Variants in PAPPA2 observed in about 807,000 individuals in gnomAD.
PAPPA2 encodes pappalysin-2.
A neutral mutation model predicts 176.4 loss-of-function variants in PAPPA2; 86 were observed. The ratio of observed to expected loss-of-function variants is 0.49; its 90% CI spans 0.41 to 0.58. PAPPA2 has a LOEUF of 0.58. PAPPA2 is among the 20% of genes least tolerant of loss of function. PAPPA2 has a pLI of 0.00. For missense variants in PAPPA2, 2,073 were observed against 2,256.9 expected (o/e 0.92, Z 1.65); for synonymous variants, 809 against 852.2 (o/e 0.95, Z 0.88).
At chr1:176,761,057 G>A (rs1232336778) in intron 14 of PAPPA2, among the ~76,000 whole-genome samples, 3 of 151,992 alleles carry the variant, frequency 2.0e-5, no homozygotes, top group Non-Finnish European at 2.9e-5. Context: ...TCCTGACCTC[G>A]TGATCCGCCC....
intron 20 of PAPPA2, 117 bp from the exon 21 acceptor site, chr1:176,799,944 A>G: frequency 2.0e-6 from 2 of 1,015,004 alleles, no homozygotes; most frequent in Non-Finnish European, 3.0e-6. Context: ...ACACAATTAG[A>G]AACTAGCTGC....
At chr1:176,595,644 C>T in intron 3 of PAPPA2, 49 bp downstream of exon 3, 1 of 1,532,242 alleles carries the variant, frequency 6.5e-7, no homozygotes, top group Non-Finnish European at 8.8e-7. Context: ...GCATTTCTAA[C>T]ATCATTTTAT....
Position 176,705,856 on chromosome 1 carries a change from G to C in PAPPA2, c.3366-503G>C, listed in dbSNP as rs569516701. Among the ~76,000 whole-genome samples the C allele has an allele frequency of 3.3e-5, 5 of 152,272 alleles. No homozygotes were observed. The South Asian group carries it at 1.0e-3, about 32-fold the overall frequency. ...TAAGTCTCTGGGTATATGAACAGGA[G>C]ATTGAATTCTACAAAATCCTAATTT... On this transcript the variant is annotated intron_variant, in intron 9 of 22. Transcript: ENST00000367662.
At chr1:176,500,119 A>G (rs1307576883) in intron 1 of PAPPA2, among the ~76,000 whole-genome samples, 2 of 32 alleles carry the variant, frequency 0.062, no homozygotes, top group Non-Finnish European at 0.17. Flanking sequence ...TTTCACATTT[A>G]GAAATATGTA....
chr1:176,675,884 A>C (rs1558512168), intron 4 of PAPPA2, among the ~76,000 whole-genome samples: 2 of 151,728 alleles, frequency 1.3e-5, no homozygotes, highest in Non-Finnish European at 2.9e-5. Context: ...CTCAACAGTA[A>C]AACAAACAAA....
At position 176,699,326 on chromosome 1, in the gene PAPPA2, G is replaced by A. The variant is rs147497362; in HGVS notation, c.2973G>A (p.Lys991=). 9 of 1,614,168 alleles carry A rather than the reference G, an allele frequency of 5.6e-6. No homozygotes were observed. The highest frequency in any genetic ancestry group is 1.7e-5 in the Admixed American group (1 of 60,018). The change falls in exon 8 of 23, where the codon AAG becomes AAA. Residue 991 remains lysine, a synonymous_variant. Coordinates refer to ENST00000367662, the MANE Select transcript of PAPPA2 (RefSeq NM_020318.3). ...ACACAGAGATCTTGCTGGAAAACAA[G>A]GAGTCAGTGCACCTGGGCCCCTTAG... ...LFDTEILLEN[K]ESVHLGPLDT... is the part of the protein sequence containing the mutation.
At chr1:176,557,551 G>A (rs1268244172) in intron 2 of PAPPA2, among the ~76,000 whole-genome samples, 1 of 152,146 alleles carries the variant, frequency 6.6e-6, no homozygotes, top group Non-Finnish European at 1.5e-5. Context: ...GAGCTCCTTG[G>A]TTCTTTGCCA....
intron 3 of PAPPA2, among the ~76,000 whole-genome samples, chr1:176,600,675 CAA>C (rs749068016): frequency 7.9e-4 from 64 of 80,854 alleles, no homozygotes; most frequent in East Asian, 1.6e-3. Flanking sequence ...GACTCCGTCT[CAA>C]AAAAAAAAAA....
chr1:176,712,794 A>C (rs1661203551), intron 12 of PAPPA2, among the ~76,000 whole-genome samples: 1 of 152,128 alleles, frequency 6.6e-6, no homozygotes, highest in Non-Finnish European at 1.5e-5. Flanking sequence ...CTCCCACCAG[A>C]TGTTTTGAGT....
chr1:176,520,773 C>A (rs1296876993), intron 1 of PAPPA2, among the ~76,000 whole-genome samples: 1 of 152,022 alleles, frequency 6.6e-6, no homozygotes, highest in East Asian at 1.9e-4. Context: ...GTCTTGCAAC[C>A]AGCCTCTCCT....
At chr1:176,504,870 A>G (rs551219881) in intron 1 of PAPPA2, among the ~76,000 whole-genome samples, 2 of 152,236 alleles carry the variant, frequency 1.3e-5, no homozygotes, top group African/African-American at 4.8e-5. Flanking sequence ...CTTCAGATGG[A>G]TGATGAAATG....
intron 4 of PAPPA2, among the ~76,000 whole-genome samples, chr1:176,679,525 T>C (rs1182492157): frequency 1.3e-5 from 2 of 152,220 alleles, no homozygotes; most frequent in Non-Finnish European, 2.9e-5. Flanking sequence ...TAATATAATG[T>C]TTATTAAAGC....
rs368576931 is a variant in PAPPA2, at chr1:176,739,740, C to T, written c.3913C>T (p.Arg1305Cys). ...AGTGACTCTCTACCTGACCGATGTC[C>T]GTGGAAGCAACCACTCTCTTGGTGA... ...PTVTLYLTDV[R>C]GSNHSLGTYG... Residue 1305 changes from arginine to cysteine, a missense_variant, in exon 13 of 23, where the codon CGT becomes TGT. Transcript: ENST00000367662. 10 of 1,613,500 alleles carry T rather than the reference C, an allele frequency of 6.2e-6. No individual in the cohort carries two copies. The Admixed American group carries it at 8.3e-5, about 13-fold the overall frequency.
chr1:176,645,505 A>G (rs1213564951), intron 3 of PAPPA2, among the ~76,000 whole-genome samples: 1 of 151,724 alleles, frequency 6.6e-6, no homozygotes, highest in Non-Finnish European at 1.5e-5. Context: ...ATGAGCACTT[A>G]GTTTGATTCC....
Position 176,463,217 on chromosome 1 carries a change from G to A in PAPPA2, c.-1118G>A, listed in dbSNP as rs977674291. 1 of 152,174 alleles carries A rather than the reference G, an allele frequency of 6.6e-6. No homozygotes were observed. The highest frequency in any genetic ancestry group is 2.4e-5 in the African/African-American group (1 of 41,442). The allele number at this position is 152,174 out of a possible 1,614,324, so 9.4% of individuals were successfully genotyped here. ...GTAGGCACACACTCCCTTTTCTCGG[G>A]TGTGTACTTTTTGCTTTGTGATACA... On this transcript the variant is annotated 5_prime_UTR_variant, in exon 1 of 23. In the 5' UTR this introduces an upstream ATG that the reference lacks. Coordinates refer to ENST00000367662, the MANE Select transcript of PAPPA2 (RefSeq NM_020318.3).
intron 3 of PAPPA2, among the ~76,000 whole-genome samples, chr1:176,605,636 T>C (rs912252469): frequency 6.6e-6 from 1 of 152,212 alleles, no homozygotes; most frequent in Non-Finnish European, 1.5e-5. Flanking sequence ...CAGTTTCTCA[T>C]AGTACCTTGG....
chr1:176,519,601 A>C (rs984523556), intron 1 of PAPPA2, among the ~76,000 whole-genome samples: 1 of 152,134 alleles, frequency 6.6e-6, no homozygotes, highest in Non-Finnish European at 1.5e-5. Flanking sequence ...ATAAAACATA[A>C]TATTATATAT....
At chr1:176,538,696 C>T (rs910880017) in intron 1 of PAPPA2, among the ~76,000 whole-genome samples, 6 of 152,206 alleles carry the variant, frequency 3.9e-5, no homozygotes, top group African/African-American at 1.4e-4. Flanking sequence ...GTTTCCTCAG[C>T]AGAATTCACA....
chr1:176,835,598 C>A (rs896436865), intron 21 of PAPPA2, among the ~76,000 whole-genome samples: 1 of 152,208 alleles, frequency 6.6e-6, no homozygotes, highest in African/African-American at 2.4e-5. Flanking sequence ...TGACTCACTG[C>A]AACCTCTGCC....
Sources: gnomAD v4.1 joint callset for allele counts (sites outside exome capture counted in the v4.1 genomes callset) on GRCh38, gnomAD v4.1.1 for gene constraint, MANE v1.5 for transcripts, NCBI Gene and HGNC (gene_info 2026-07-23, HGNC 2026-07-21) for gene names.